The following NUDCD1 variants were observed in gnomAD, a reference collection of about 807,000 sequenced individuals.
NUDCD1 encodes the protein NudC domain containing 1.
NUDCD1 carries 60 observed loss-of-function variants against 67.8 expected under a neutral mutation model. The observed-to-expected ratio is 0.88, with a 90% CI of 0.72 to 1.10. The LOEUF (loss-of-function observed/expected upper bound fraction) is 1.10, where lower values mean the gene tolerates loss of function less well. Ranked by LOEUF, NUDCD1 falls within the 50% of genes least tolerant of loss-of-function variation. The pLI is 0.00. For synonymous variants in NUDCD1, 244 were observed against 230.8 expected, an observed-to-expected ratio of 1.06 and a Z score of -0.52; for missense variants, 643 against 695.0, an observed-to-expected ratio of 0.93 and a Z score of 0.84.
chr8:109,331,008 A>T (rs927842075), intron 1 of NUDCD1, among the ~76,000 whole-genome samples: 1 of 152,150 alleles, frequency 6.6e-6, no homozygotes, highest in African/African-American at 2.4e-5. Context: ...CCTATGTACC[A>T]AACCTGCACA....
chr8:109,279,204 C>T (rs766727610), intron 6 of NUDCD1, among the ~76,000 whole-genome samples: 3 of 152,106 alleles, frequency 2.0e-5, no homozygotes, highest in Non-Finnish European at 4.4e-5. Context: ...AAACAGTCTG[C>T]CAAAGTGATT....
chr8:109,309,802 T>C (rs1010831174), intron 2 of NUDCD1, among the ~76,000 whole-genome samples: 4 of 151,508 alleles, frequency 2.6e-5, no homozygotes, highest in Non-Finnish European at 4.4e-5. Flanking sequence ...GTAGCTCTTC[T>C]ACATACCAAC....
chr8:109,326,882 C>T (rs1335634323), intron 1 of NUDCD1, among the ~76,000 whole-genome samples: 4 of 152,190 alleles, frequency 2.6e-5, no homozygotes, highest in Admixed American at 1.3e-4. Context: ...GTCTCCTGCA[C>T]TAATAGTGCT....
At chr8:109,289,488 T>C (rs796946821) in intron 5 of NUDCD1, among the ~76,000 whole-genome samples, 6 of 152,188 alleles carry the variant, frequency 3.9e-5, no homozygotes, top group African/African-American at 1.4e-4. Flanking sequence ...TAACTATTTA[T>C]TAAGCACCTA....
chr8:109,261,437 T>C (rs542603810), intron 8 of NUDCD1, among the ~76,000 whole-genome samples: 173 of 152,228 alleles, frequency 1.1e-3, no homozygotes, highest in Non-Finnish European at 7.6e-4. Flanking sequence ...TGTGGTTGAC[T>C]CTCACAAACT....
intron 8 of NUDCD1, among the ~76,000 whole-genome samples, chr8:109,246,447 C>T (rs1813498532): frequency 6.6e-6 from 1 of 152,148 alleles, no homozygotes; most frequent in African/African-American, 2.4e-5. Flanking sequence ...GGAATTCACA[C>T]TCAGATGTTT....
chr8:109,271,176 A>C, intron 7 of NUDCD1, 46 bp from the exon 8 acceptor site: 1 of 1,328,410 alleles, frequency 7.5e-7, no homozygotes. Flanking sequence ...ACAAATAAAC[A>C]AGGGAATGGG....
At chr8:109,248,435 A>AT (rs576972506) in intron 8 of NUDCD1, among the ~76,000 whole-genome samples, 57 of 152,280 alleles carry the variant, frequency 3.7e-4, no homozygotes, top group African/African-American at 1.4e-3. Flanking sequence ...TTGTAAAGAA[A>AT]TTTTTTTAAA....
intron 8 of NUDCD1, among the ~76,000 whole-genome samples, chr8:109,260,526 T>C (rs974804239): frequency 5.3e-5 from 8 of 152,084 alleles, no homozygotes; most frequent in African/African-American, 1.9e-4. Context: ...AGCTAAAAAA[T>C]AGATAATAGG....
chr8:109,317,972 T>C (rs949228029), intron 2 of NUDCD1, among the ~76,000 whole-genome samples: 1 of 152,216 alleles, frequency 6.6e-6, no homozygotes, highest in African/African-American at 2.4e-5. Context: ...AAGTATAACA[T>C]ATAAGTTACC....
chr8:109,327,569 T>A (rs1487899128), intron 1 of NUDCD1, among the ~76,000 whole-genome samples: 1 of 152,220 alleles, frequency 6.6e-6, no homozygotes, highest in Admixed American at 6.5e-5. Context: ...TCATCTATAA[T>A]AAAGGTTAGT....
At chr8:109,320,336 A>G (rs1254253549) in intron 2 of NUDCD1, among the ~76,000 whole-genome samples, 1 of 152,200 alleles carries the variant, frequency 6.6e-6, no homozygotes, top group Non-Finnish European at 1.5e-5. Context: ...ACCCACCCCC[A>G]GGTGCACATT....
chr8:109,311,559 G>GTATATATATATATATATATA (rs1554617136), intron 2 of NUDCD1, among the ~76,000 whole-genome samples: 14 of 125,116 alleles, frequency 1.1e-4, no homozygotes, highest in East Asian at 6.1e-4. Flanking sequence ...AAACTGTGGT[G>GTATATATATATATATATATA]TATATATATA....
chr8:109,244,660 T>A (rs1813453456), intron 9 of NUDCD1, among the ~76,000 whole-genome samples: 1 of 152,162 alleles, frequency 6.6e-6, no homozygotes, highest in Non-Finnish European at 1.5e-5. Flanking sequence ...AACCTTTCAA[T>A]AAAGCAACAA....
intron 6 of NUDCD1, among the ~76,000 whole-genome samples, chr8:109,277,475 C>A (rs1187819880): frequency 2.0e-5 from 3 of 149,602 alleles, no homozygotes; most frequent in Non-Finnish European, 3.0e-5. Context: ...AAAAAAAAAA[C>A]CCCAAACAAT....
At position 109,322,220 on chromosome 8, in the gene NUDCD1, T is replaced by C. The variant is rs868735892; in HGVS notation, c.273+89A>G. On this transcript the variant is annotated intron_variant, in intron 2 of 9. Coordinates refer to ENST00000239690, the MANE Select transcript of NUDCD1 (RefSeq NM_032869.4). ...TACAGGTATGTGCACCTCACTTCTC[T>C]GGATATTAGATTCAAAAGGGAAACT... 4.7e-6 allele frequency: 3 copies of C among 641,666 alleles called. No homozygotes were observed. In the African/African-American group the frequency reaches 5.4e-5, roughly 12 times the overall value. The allele number at this position is 641,666 out of a possible 1,614,324, so 39.7% of individuals were successfully genotyped here.
intron 8 of NUDCD1, among the ~76,000 whole-genome samples, chr8:109,254,719 C>CA (rs1236359752): frequency 6.6e-6 from 1 of 151,982 alleles, no homozygotes; most frequent in African/African-American, 2.4e-5. Context: ...GAACACTTAG[C>CA]AATTAAAGAC....
chr8:109,263,727 G>T (rs1813923773), intron 8 of NUDCD1, among the ~76,000 whole-genome samples: 1 of 152,040 alleles, frequency 6.6e-6, no homozygotes, highest in Non-Finnish European at 1.5e-5. Context: ...TTGGGGAGGG[G>T]GGTGCTGGGA....
chr8:109,291,454 T>C (rs1814711125), intron 4 of NUDCD1, among the ~76,000 whole-genome samples: 1 of 152,208 alleles, frequency 6.6e-6, no homozygotes, highest in Non-Finnish European at 1.5e-5. Flanking sequence ...CTAAACTTTT[T>C]TTACTCACAA....
Sources: allele counts gnomAD v4.1 joint callset (sites outside exome capture counted in the v4.1 genomes callset), GRCh38; gene constraint gnomAD v4.1.1; transcripts MANE v1.5; gene names NCBI Gene and HGNC (gene_info 2026-07-23, HGNC 2026-07-21).